Variants in KCNMB2 observed in about 807,000 individuals in gnomAD.
KCNMB2 encodes calcium-activated potassium channel subunit beta-2.
In KCNMB2, 9 loss-of-function variants were observed where a neutral mutation model predicts 24.5. The observed-to-expected ratio is 0.37, with a 90% confidence interval of 0.22 to 0.64. The LOEUF (loss-of-function observed/expected upper bound fraction) is 0.64, where lower values mean the gene tolerates loss of function less well. Among genes scored for constraint, KCNMB2 ranks in the 30% least tolerant of loss-of-function variants. The pLI, the probability that KCNMB2 is intolerant of heterozygous loss-of-function variation, is 0.63. For missense variants in KCNMB2, 226 were observed against 284.3 expected, an observed-to-expected ratio of 0.79 and a Z score of 1.47; for synonymous variants, 109 against 104.4, an observed-to-expected ratio of 1.04 and a Z score of -0.27.
chr3:178,798,983 T>TAA (rs35483725), intron 1 of KCNMB2, among the ~76,000 whole-genome samples: 5 of 144,446 alleles, frequency 3.5e-5, no homozygotes, highest in African/African-American at 1.2e-4. Context: ...CTCTTGATGA[T>TAA]AAAAAAAAAA....
At chr3:178,735,147 A>C (rs1033111686) in intron 1 of KCNMB2, among the ~76,000 whole-genome samples, 5 of 152,236 alleles carry the variant, frequency 3.3e-5, no homozygotes, top group Non-Finnish European at 5.9e-5. Context: ...AAGGTTGAAA[A>C]GCACTCCTTA....
At chr3:178,771,028 T>C (rs1270191950) in intron 1 of KCNMB2, among the ~76,000 whole-genome samples, 1 of 152,232 alleles carries the variant, frequency 6.6e-6, no homozygotes, top group Non-Finnish European at 1.5e-5. Context: ...CAGTTATGTT[T>C]TAGTTTTGAA....
At chr3:178,572,736 T>G (rs1716850570) in intron 1 of KCNMB2, among the ~76,000 whole-genome samples, 1 of 152,152 alleles carries the variant, frequency 6.6e-6, no homozygotes, top group South Asian at 2.1e-4. Flanking sequence ...TCATCCAGAC[T>G]CAGTCCTCAG....
intron 1 of KCNMB2, among the ~76,000 whole-genome samples, chr3:178,727,329 C>A (rs892850145): frequency 2.0e-5 from 3 of 152,022 alleles, no homozygotes; most frequent in Non-Finnish European, 4.4e-5. Context: ...AATTGTCACT[C>A]CCATTTAGAA....
intron 1 of KCNMB2, among the ~76,000 whole-genome samples, chr3:178,702,985 G>A (rs1318627984): frequency 6.6e-6 from 1 of 152,152 alleles, no homozygotes; most frequent in African/African-American, 2.4e-5. Flanking sequence ...AAGGTTGGGA[G>A]ACAAGAGGAG....
Position 178,786,805 on chromosome 3 carries a change from C to T in KCNMB2, c.-67-20538C>T, listed in dbSNP as rs568788950. Among the ~76,000 whole-genome samples, 3 of 144,384 alleles carry T rather than the reference C, an allele frequency of 2.1e-5. No homozygotes were observed. In the Admixed American group the frequency reaches 2.1e-4, roughly 10 times the overall value. 94.7% of individuals were successfully genotyped at this position (144,384 alleles called of 152,430 possible). On this transcript the variant is annotated intron_variant, in intron 1 of 4. Coordinates refer to ENST00000452583, the MANE Select transcript of KCNMB2 (RefSeq NM_181361.3). ...CTCATGTAATATGACTCACCTAAAGCCAAAAAATAAAAAAACCTACTTGCA... is the reference window on the plus strand; with the variant it reads ...CTCATGTAATATGACTCACCTAAAGTCAAAAAATAAAAAAACCTACTTGCA...
chr3:178,803,540 A>C (rs1203764606), intron 1 of KCNMB2, among the ~76,000 whole-genome samples: 1 of 152,254 alleles, frequency 6.6e-6, no homozygotes, highest in Non-Finnish European at 1.5e-5. Flanking sequence ...TCAAGGCAGC[A>C]AATACAGCCA....
chr3:178,631,395 C>A (rs903021581), intron 1 of KCNMB2, among the ~76,000 whole-genome samples: 10 of 152,306 alleles, frequency 6.6e-5, no homozygotes, highest in African/African-American at 2.4e-4. Flanking sequence ...GCTAGGGGAC[C>A]CAAGCCACAT....
intron 1 of KCNMB2, among the ~76,000 whole-genome samples, chr3:178,703,871 G>C (rs1722188738): frequency 6.6e-6 from 1 of 152,126 alleles, no homozygotes; most frequent in Non-Finnish European, 1.5e-5. Context: ...TTTATTATAA[G>C]ATGTTAGAGT....
At chr3:178,641,295 CTTAATA>C (rs992707347) in intron 1 of KCNMB2, among the ~76,000 whole-genome samples, 23 of 152,072 alleles carry the variant, frequency 1.5e-4, no homozygotes, top group African/African-American at 4.6e-4. Flanking sequence ...GAATTAACAT[CTTAATA>C]TTAAGTCTTC....
At chr3:178,546,747 G>A (rs1399337900) in intron 1 of KCNMB2, among the ~76,000 whole-genome samples, 4 of 152,172 alleles carry the variant, frequency 2.6e-5, no homozygotes, top group Admixed American at 1.3e-4. Flanking sequence ...CATTCTAAGA[G>A]GAATGGAAAG....
chr3:178,637,312 C>T (rs779074051), intron 1 of KCNMB2, among the ~76,000 whole-genome samples: 6 of 152,198 alleles, frequency 3.9e-5, no homozygotes, highest in Non-Finnish European at 8.8e-5. Context: ...TTAATTTACA[C>T]TCCCACTAAC....
At chr3:178,696,743 T>C (rs1418991244) in intron 1 of KCNMB2, among the ~76,000 whole-genome samples, 3 of 152,226 alleles carry the variant, frequency 2.0e-5, no homozygotes, top group South Asian at 2.1e-4. Flanking sequence ...TTTTCTTCTA[T>C]AAATTTCCCT....
At chr3:178,762,368 C>A (rs183689669) in intron 1 of KCNMB2, among the ~76,000 whole-genome samples, 157 of 152,222 alleles carry the variant, frequency 1.0e-3, no homozygotes, top group African/African-American at 3.5e-3. Context: ...TATGCAAAAG[C>A]CCTGAGAAGA....
chr3:178,699,420 G>T (rs958654249), intron 1 of KCNMB2, among the ~76,000 whole-genome samples: 3 of 152,188 alleles, frequency 2.0e-5, no homozygotes, highest in African/African-American at 7.2e-5. Flanking sequence ...AAAGTGATAT[G>T]AGGAATTGAT....
chr3:178,627,780 C>T (rs1303266323), intron 1 of KCNMB2, among the ~76,000 whole-genome samples: 5 of 152,104 alleles, frequency 3.3e-5, no homozygotes, highest in African/African-American at 4.8e-5. Flanking sequence ...AATAAGTTGT[C>T]GCTTCTCAAA....
intron 2 of KCNMB2, among the ~76,000 whole-genome samples, chr3:178,821,425 C>G (rs1714621385): frequency 6.6e-6 from 1 of 152,188 alleles, no homozygotes; most frequent in Non-Finnish European, 1.5e-5. Context: ...ACTACCTTTA[C>G]TACTTGGACA....
In KCNMB2 at chr3:178,648,998, C is replaced by T. The variant is rs377601847; in HGVS notation, c.-68+112287C>T. On this transcript the variant is annotated intron_variant, in intron 1 of 4. Coordinates refer to ENST00000452583, the MANE Select transcript of KCNMB2 (RefSeq NM_181361.3). ...TCTTAATGTCATTATTCATCATAGA[C>T]ATAGGTAGCTCATTCTCTAAATTGC... Among the ~76,000 whole-genome samples the T allele has an allele frequency of 6.6e-5, 10 of 152,324 alleles. 1 individual carries two copies. The highest frequency in any genetic ancestry group is 2.4e-4 in the African/African-American group (10 of 41,582).
chr3:178,618,241 C>T (rs1718784247), intron 1 of KCNMB2, among the ~76,000 whole-genome samples: 1 of 152,002 alleles, frequency 6.6e-6, no homozygotes, highest in African/African-American at 2.4e-5. Flanking sequence ...TGTGGATTTC[C>T]TTCTAGTTAT....
Sources: allele counts gnomAD v4.1 joint callset (sites outside exome capture counted in the v4.1 genomes callset), GRCh38; gene constraint gnomAD v4.1.1; transcripts MANE v1.5; gene names NCBI Gene and HGNC (gene_info 2026-07-23, HGNC 2026-07-21).